Variants in CUL1 observed in about 807,000 individuals in gnomAD.
CUL1 encodes cullin-1.
Under a neutral mutation model 118.0 loss-of-function variants are expected in CUL1, and 24 were observed. The observed-to-expected ratio is 0.20, with a 90% CI of 0.15 to 0.29. The LOEUF (loss-of-function observed/expected upper bound fraction) is 0.29. Ranked by LOEUF, CUL1 falls within the 10% of genes least tolerant of loss-of-function variation. CUL1 has a pLI of 1.00. For missense variants in CUL1, 361 were observed against 933.8 expected (o/e 0.39, Z 7.99); for synonymous variants, 332 against 340.4 (o/e 0.98, Z 0.27).
intron 1 of CUL1, among the ~76,000 whole-genome samples, chr7:148,714,620 G>C (rs1584761135): frequency 6.6e-6 from 1 of 152,142 alleles, no homozygotes; most frequent in East Asian, 1.9e-4. Context: ...TTTGGAGTCT[G>C]TCTGTCTTCT....
chr7:148,730,023 AATAAATTTGG>A lies in CUL1; in HGVS notation c.-98_-89del, dbSNP rs1798704737. ...AGGACATCCTTTCTGAGCTGCTGTGAATAAATTTGGAATGGTACTGTATATTTTCATCTAA... is the reference window on the plus strand; with the variant it reads ...AGGACATCCTTTCTGAGCTGCTGTGAAATGGTACTGTATATTTTCATCTAA... On this transcript the variant is annotated 5_prime_UTR_variant, in exon 2 of 22. Coordinates refer to ENST00000325222, the MANE Select transcript of CUL1 (RefSeq NM_003592.3). 5.3e-6 allele frequency: 7 copies of A among 1,319,832 alleles called. 1 individual carries two copies. The South Asian group carries it at 1.1e-4, about 21-fold the overall frequency. The allele number at this position is 1,319,832 out of a possible 1,614,324, so 81.8% of individuals were successfully genotyped here.
chr7:148,719,806 T>C (rs1298004206), intron 1 of CUL1, among the ~76,000 whole-genome samples: 1 of 152,240 alleles, frequency 6.6e-6, no homozygotes, highest in Non-Finnish European at 1.5e-5. Flanking sequence ...CGTATTCATA[T>C]CATGAAGCTT....
At chr7:148,769,744 T>A (rs1002429455) in intron 9 of CUL1, among the ~76,000 whole-genome samples, 1 of 152,150 alleles carries the variant, frequency 6.6e-6, no homozygotes, top group East Asian at 1.9e-4. Flanking sequence ...AAAATAAACA[T>A]GATAGCTGGG....
chr7:148,773,599 G>A (rs2129461518), intron 9 of CUL1, among the ~76,000 whole-genome samples: 1 of 152,218 alleles, frequency 6.6e-6, no homozygotes, highest in Non-Finnish European at 1.5e-5. Flanking sequence ...GATGATAATG[G>A]TGAAGGCCGT....
At chr7:148,747,582 G>A (rs1239522404) in intron 2 of CUL1, among the ~76,000 whole-genome samples, 1 of 152,166 alleles carries the variant, frequency 6.6e-6, no homozygotes, top group African/African-American at 2.4e-5. Flanking sequence ...ACCCTTAAGT[G>A]TATAGGTGAA....
At chr7:148,745,746 A>G (rs1799292220) in intron 2 of CUL1, among the ~76,000 whole-genome samples, 1 of 151,914 alleles carries the variant, frequency 6.6e-6, no homozygotes, top group Non-Finnish European at 1.5e-5. Context: ...AGACATGTAC[A>G]TATCCAGCTA....
intron 2 of CUL1, among the ~76,000 whole-genome samples, chr7:148,742,459 G>T (rs1563156089): frequency 6.6e-6 from 1 of 152,118 alleles, no homozygotes; most frequent in Non-Finnish European, 1.5e-5. Context: ...TCATGGTTTG[G>T]TTATCTCCAC....
chr7:148,707,917 GT>G (rs1468544225), intron 1 of CUL1, among the ~76,000 whole-genome samples: 3 of 152,176 alleles, frequency 2.0e-5, no homozygotes, highest in Non-Finnish European at 4.4e-5. Flanking sequence ...CGTTAGAGGA[GT>G]TTAGGAAGCA....
intron 1 of CUL1, 40 bp from the exon 2 acceptor site, chr7:148,729,922 C>T: frequency 1.7e-6 from 1 of 591,340 alleles, no homozygotes; most frequent in Non-Finnish European, 2.9e-6. Context: ...ATTACAGTAC[C>T]CCAGAGACAA....
At chr7:148,699,683 C>T (rs1377792354) in intron 1 of CUL1, among the ~76,000 whole-genome samples, 2 of 152,126 alleles carry the variant, frequency 1.3e-5, no homozygotes, top group African/African-American at 2.4e-5. Flanking sequence ...CCTTTTGCCC[C>T]GTTCTCCTGG....
At chr7:148,763,156 A>T (rs1799893376) in intron 7 of CUL1, among the ~76,000 whole-genome samples, 1 of 151,996 alleles carries the variant, frequency 6.6e-6, no homozygotes, top group Non-Finnish European at 1.5e-5. Flanking sequence ...CAAAAAAAAA[A>T]ATAAAAATAA....
chr7:148,798,284 C>T (rs887280541), intron 19 of CUL1, among the ~76,000 whole-genome samples: 1 of 152,072 alleles, frequency 6.6e-6, no homozygotes, highest in Non-Finnish European at 1.5e-5. Context: ...CCTTTGTGTC[C>T]AAGTGGCTTG....
intron 11 of CUL1, among the ~76,000 whole-genome samples, chr7:148,785,720 T>TA (rs1335238557): frequency 1.3e-5 from 2 of 152,166 alleles, no homozygotes; most frequent in East Asian, 1.9e-4. Context: ...AGTCTACTGA[T>TA]ACTAGTTAAG....
intron 3 of CUL1, among the ~76,000 whole-genome samples, chr7:148,754,851 A>G (rs962307683): frequency 6.6e-6 from 1 of 151,850 alleles, no homozygotes; most frequent in Non-Finnish European, 1.5e-5. Flanking sequence ...GGATCAAACA[A>G]TCCTCCCGCC....
chr7:148,766,858 C>A, intron 8 of CUL1, 135 bp downstream of exon 8: 2 of 751,196 alleles, frequency 2.7e-6, no homozygotes, highest in Non-Finnish European at 4.2e-6. Context: ...GTTTGTACAT[C>A]GTTATGTGCC....
At chr7:148,712,304 A>G (rs73745347) in intron 1 of CUL1, among the ~76,000 whole-genome samples, 8,454 of 152,244 alleles carry the variant, frequency 0.056, 820 homozygotes, top group African/African-American at 0.19. Context: ...ATTTCATGGT[A>G]GAATGAAAGA....
At chr7:148,777,613 C>T (rs1041643445) in intron 9 of CUL1, among the ~76,000 whole-genome samples, 2 of 152,110 alleles carry the variant, frequency 1.3e-5, no homozygotes, top group Non-Finnish European at 2.9e-5. Context: ...TCATATGATG[C>T]GTAGTAAAGG....
At chr7:148,736,540 CAGTCCT>C (rs1798949786) in intron 2 of CUL1, among the ~76,000 whole-genome samples, 2 of 152,226 alleles carry the variant, frequency 1.3e-5, no homozygotes, top group Admixed American at 6.5e-5. Context: ...TGGCTTCAAG[CAGTCCT>C]CCCACCTTGG....
intron 2 of CUL1, among the ~76,000 whole-genome samples, chr7:148,736,302 A>G (rs904355442): frequency 3.9e-5 from 6 of 152,106 alleles, no homozygotes; most frequent in Admixed American, 2.6e-4. Flanking sequence ...ATTTAGAGAT[A>G]TATTTTTTTG....
Sources: gnomAD v4.1 joint callset for allele counts (sites outside exome capture counted in the v4.1 genomes callset) on GRCh38, gnomAD v4.1.1 for gene constraint, MANE v1.5 for transcripts, NCBI Gene and HGNC (gene_info 2026-07-23, HGNC 2026-07-21) for gene names.